Variants in NRG1 observed in about 807,000 individuals in gnomAD.
NRG1 encodes the protein pro-neuregulin-1, membrane-bound isoform.
In NRG1, 18 loss-of-function variants were observed where a neutral mutation model predicts 63.8. The ratio of observed to expected loss-of-function variants is 0.28; its 90% CI spans 0.19 to 0.42. The LOEUF (loss-of-function observed/expected upper bound fraction) is 0.42, where lower values mean the gene tolerates loss of function less well. NRG1 is among the 10% of genes least tolerant of loss of function. The pLI is 1.00. For missense variants in NRG1, 762 were observed against 814.7 expected (o/e 0.94, Z 0.79); for synonymous variants, 302 against 301.3 (o/e 1.00, Z -0.02).
chr8:32,394,874 G>C (rs1356461099), intron 1 of NRG1, among the ~76,000 whole-genome samples: 1 of 152,136 alleles, frequency 6.6e-6, no homozygotes, highest in Admixed American at 6.5e-5. Flanking sequence ...CAGCCTTGCT[G>C]TGCTTCATTA....
intron 1 of NRG1, among the ~76,000 whole-genome samples, chr8:32,247,060 T>G (rs1848652272): frequency 6.6e-6 from 1 of 152,092 alleles, no homozygotes; most frequent in South Asian, 2.1e-4. Context: ...TATTATCACT[T>G]TGTACCCCAT....
intron 1 of NRG1, among the ~76,000 whole-genome samples, chr8:31,786,651 T>G (rs1820203229): frequency 6.6e-6 from 1 of 152,198 alleles, no homozygotes; most frequent in Non-Finnish European, 1.5e-5. Flanking sequence ...ATTAAGTTGG[T>G]AGAGTGATTC....
intron 5 of NRG1, among the ~76,000 whole-genome samples, chr8:32,688,686 G>T (rs140442754): frequency 6.3e-4 from 96 of 152,202 alleles, no homozygotes; most frequent in Non-Finnish European, 5.0e-4. Context: ...TCCCCAGTTA[G>T]AGCCAGTGTA....
intron 1 of NRG1, among the ~76,000 whole-genome samples, chr8:32,401,350 C>T (rs1167352350): frequency 1.3e-5 from 2 of 151,974 alleles, no homozygotes; most frequent in Non-Finnish European, 1.5e-5. Flanking sequence ...AAACTGCAAA[C>T]GTGCCCTGCT....
chr8:32,441,173 T>C (rs1473966274), intron 1 of NRG1: 1 of 152,174 alleles, frequency 6.6e-6, no homozygotes, highest in Non-Finnish European at 1.5e-5. Flanking sequence ...AGAATAGTTA[T>C]AGGTTTGAAA....
intron 1 of NRG1, among the ~76,000 whole-genome samples, chr8:31,883,690 C>T (rs1699124): frequency 0.072 from 10,978 of 152,096 alleles, 1,263 homozygotes; most frequent in African/African-American, 0.25. Flanking sequence ...TTAGATCCTG[C>T]TGTTCAGTTG....
At position 32,488,253 on chromosome 8, in the gene NRG1, T is replaced by C. The variant is rs568074721; in HGVS notation, c.38-107575T>C. ...ATTACTTTTAGCATACTTTTCGTTCTTATAATCTGCAATAAAGAGGAAGAC... is the reference window on the plus strand; with the variant it reads ...ATTACTTTTAGCATACTTTTCGTTCCTATAATCTGCAATAAAGAGGAAGAC... On this transcript the variant is annotated intron_variant, in intron 1 of 10. Coordinates refer to the NRG1 transcript ENST00000519301. Among the ~76,000 whole-genome samples the C allele has an allele frequency of 3.3e-5, 5 of 152,354 alleles. No homozygotes were observed. In the South Asian group the frequency reaches 6.2e-4, roughly 19 times the overall value.
chr8:32,743,853 G>A (rs1219210587), intron 7 of NRG1, among the ~76,000 whole-genome samples: 1 of 151,910 alleles, frequency 6.6e-6, no homozygotes, highest in Admixed American at 6.6e-5. Context: ...AAGGTTCAGA[G>A]AGCAAATATT....
chr8:32,712,480 A>G (rs1818076878), intron 5 of NRG1, among the ~76,000 whole-genome samples: 1 of 152,146 alleles, frequency 6.6e-6, no homozygotes, highest in South Asian at 2.1e-4. Flanking sequence ...ATGCTATTCA[A>G]TCTTTAAATA....
chr8:32,685,238 T>G (rs1376344719), intron 5 of NRG1, among the ~76,000 whole-genome samples: 1 of 152,026 alleles, frequency 6.6e-6, no homozygotes, highest in Non-Finnish European at 1.5e-5. Context: ...GACTAGAGAG[T>G]CAATATGCCT....
At chr8:32,487,401 G>GAT (rs2129494194) in intron 1 of NRG1, among the ~76,000 whole-genome samples, 1 of 152,002 alleles carries the variant, frequency 6.6e-6, no homozygotes, top group South Asian at 2.1e-4. Context: ...GATCAGAAAA[G>GAT]ATACATTTTT....
At position 31,875,042 on chromosome 8, in the gene NRG1, T is replaced by G. The variant is rs1424426308; in HGVS notation, c.37+235611T>G. On this transcript the variant is annotated intron_variant, in intron 1 of 10. Transcript: ENST00000519301. ...TCATTTTCATAGTTGCCAGCACCCT[T>G]TTCCAGGAAAACAAAGAGAGTGGCC... is the stretch of plus-strand genomic sequence containing the variant. Among the ~76,000 whole-genome samples the G allele has an allele frequency of 2.0e-5, 3 of 152,190 alleles. No homozygotes were observed. In the East Asian group the frequency reaches 5.8e-4, roughly 29 times the overall value.
intron 1 of NRG1, among the ~76,000 whole-genome samples, chr8:32,055,364 A>G (rs546437036): frequency 2.5e-4 from 38 of 152,250 alleles, no homozygotes; most frequent in Non-Finnish European, 4.6e-4. Flanking sequence ...TCTGATTGAC[A>G]TTGATCATTT....
chr8:32,297,977 A>AT (rs1855092500), intron 1 of NRG1, among the ~76,000 whole-genome samples: 1 of 152,252 alleles, frequency 6.6e-6, no homozygotes, highest in Non-Finnish European at 1.5e-5. Flanking sequence ...TTCATGATTT[A>AT]TTTTTAAGTG....
chr8:31,811,158 C>T (rs549647752), intron 1 of NRG1, among the ~76,000 whole-genome samples: 2 of 152,336 alleles, frequency 1.3e-5, no homozygotes, highest in South Asian at 4.1e-4. Flanking sequence ...GCCAACTAGA[C>T]CAGCTGTTCA....
intron 1 of NRG1, among the ~76,000 whole-genome samples, chr8:31,768,743 A>G (rs1469190703): frequency 6.6e-6 from 1 of 152,158 alleles, no homozygotes; most frequent in African/African-American, 2.4e-5. Flanking sequence ...TAGAGACTTG[A>G]TGTTCCTAAC....
At chr8:32,754,544 A>G (rs1162878362) in intron 8 of NRG1, 70 bp downstream of exon 8, 5 of 1,415,296 alleles carry the variant, frequency 3.5e-6, no homozygotes, top group Non-Finnish European at 4.9e-6. Context: ...AGGGCTTTGC[A>G]GAATCTGAGC....
intron 1 of NRG1, among the ~76,000 whole-genome samples, chr8:31,942,412 A>G (rs980115726): frequency 6.6e-6 from 1 of 152,200 alleles, no homozygotes; most frequent in African/African-American, 2.4e-5. Flanking sequence ...ACTTAAATCT[A>G]AGATGTGAAA....
At chr8:32,182,616 G>A (rs561386389) in intron 1 of NRG1, among the ~76,000 whole-genome samples, 1 of 152,196 alleles carries the variant, frequency 6.6e-6, no homozygotes, top group South Asian at 2.1e-4. Flanking sequence ...GCTAATTCTC[G>A]CACTCTCACT....
Sources: gnomAD v4.1 joint callset for allele counts (sites outside exome capture counted in the v4.1 genomes callset) on GRCh38, gnomAD v4.1.1 for gene constraint, MANE v1.5 for transcripts, NCBI Gene and HGNC (gene_info 2026-07-23, HGNC 2026-07-21) for gene names.